SGSM1: variants seen among roughly 807,000 people sequenced by gnomAD.
SGSM1 encodes the protein RUN and TBC1 domain containing 2.
In SGSM1, 73 loss-of-function variants were observed where a neutral mutation model predicts 133.8. The ratio of observed to expected loss-of-function variants is 0.55; its 90% CI spans 0.45 to 0.66. The LOEUF (loss-of-function observed/expected upper bound fraction) is 0.66. Ranked by LOEUF, SGSM1 falls within the 30% of genes least tolerant of loss-of-function variation. The pLI, the probability that SGSM1 is intolerant of heterozygous loss-of-function variation, is 0.00. For missense variants in SGSM1, 1,213 were observed against 1,448.1 expected (o/e 0.84, Z 2.64); for synonymous variants, 563 against 573.0 (o/e 0.98, Z 0.25).
At position 24,898,048 on chromosome 22, in the gene SGSM1, A is replaced by G. The variant is rs373981289; in HGVS notation, c.2099A>G (p.Asn700Ser). Residue 700 changes from asparagine to serine, a missense_variant, in exon 19 of 25, where the codon AAT becomes AGT. Asn to Ser is a conservative substitution (Grantham distance 46). Transcript: ENST00000400358. Reference protein sequence around the residue: ...RLEEKQPKIPNGNLVNGTCSP... With the variant: ...RLEEKQPKIPSGNLVNGTCSP... Reference sequence around the variant, plus strand: ...GAGGAGAAACAGCCCAAGATCCCCAATGGGAACCTAGTGAACGGCACTTGT... The same window carrying G: ...GAGGAGAAACAGCCCAAGATCCCCAGTGGGAACCTAGTGAACGGCACTTGT... 9.0e-5 allele frequency: 146 copies of G among 1,613,812 alleles called. 1 individual carries two copies. In the Middle Eastern group the frequency reaches 1.2e-3, roughly 13 times the overall value.
intron 2 of SGSM1, among the ~76,000 whole-genome samples, chr22:24,812,026 CG>C (rs1213431971): frequency 6.6e-6 from 1 of 151,582 alleles, no homozygotes; most frequent in Non-Finnish European, 1.5e-5. Context: ...AAAAATTAGC[CG>C]GGTGTGGTAG....
intron 2 of SGSM1, among the ~76,000 whole-genome samples, chr22:24,835,822 G>C (rs1929395078): frequency 6.6e-6 from 1 of 152,120 alleles, no homozygotes; most frequent in South Asian, 2.1e-4. Flanking sequence ...GAGGACTTGG[G>C]TTGTCACTCT....
intron 10 of SGSM1, 86 bp from the exon 11 acceptor site, chr22:24,868,290 C>T: frequency 6.5e-7 from 1 of 1,529,912 alleles, no homozygotes; most frequent in Non-Finnish European, 8.8e-7. Context: ...GCTTGGCACC[C>T]CTGGGGGATG....
At chr22:24,837,364 A>C (rs1929490540) in intron 2 of SGSM1, among the ~76,000 whole-genome samples, 1 of 152,218 alleles carries the variant, frequency 6.6e-6, no homozygotes, top group Non-Finnish European at 1.5e-5. Flanking sequence ...AGGGACTATT[A>C]GTATTTTCAC....
Position 24,847,771 on chromosome 22 carries a change from G to A in SGSM1, c.277G>A (p.Asp93Asn). 1 of 1,613,942 alleles carries A rather than the reference G, an allele frequency of 6.2e-7. No homozygotes were observed. The highest frequency in any genetic ancestry group is 8.5e-7 in the Non-Finnish European group (1 of 1,179,874). The part of the protein sequence containing the change: ...PAEDLSRKVQ[D>N]LEQLIESARN... ...TGAGGATCTGAGCCGCAAGGTGCAA[G>A]ACCTGGAGCAGCTGATCGAGAGCGC... Residue 93 changes from aspartate to asparagine, a missense_variant, in exon 4 of 25, where the codon GAC (aspartate) becomes AAC (asparagine). Coordinates refer to ENST00000400358, the MANE Select transcript of SGSM1 (RefSeq NM_001098497.3).
intron 8 of SGSM1, 189 bp from the exon 9 acceptor site, chr22:24,859,527 G>A: frequency 1.3e-6 from 1 of 741,068 alleles, no homozygotes; most frequent in Non-Finnish European, 2.3e-6. Context: ...TGGGAGGCTG[G>A]CTGCAAATGG....
At chr22:24,871,837 G>A (rs1033409680) in intron 12 of SGSM1, among the ~76,000 whole-genome samples, 1 of 152,190 alleles carries the variant, frequency 6.6e-6, no homozygotes, top group Non-Finnish European at 1.5e-5. Flanking sequence ...TGGGGCTTGA[G>A]CCGCACAGGC....
chr22:24,832,237 T>G (rs1929159021), intron 2 of SGSM1, among the ~76,000 whole-genome samples: 1 of 149,976 alleles, frequency 6.7e-6, no homozygotes, highest in South Asian at 2.1e-4. Context: ...GGGCACCTAG[T>G]AACCAACATC....
At chr22:24,898,854 T>C (rs981648252) in intron 19 of SGSM1, among the ~76,000 whole-genome samples, 3 of 151,976 alleles carry the variant, frequency 2.0e-5, no homozygotes, top group East Asian at 1.9e-4. Flanking sequence ...GGTGAAAACC[T>C]GTCTCTACTA....
chr22:24,882,229 G>A (rs1352423740), intron 14 of SGSM1, among the ~76,000 whole-genome samples: 1 of 151,916 alleles, frequency 6.6e-6, no homozygotes, highest in East Asian at 1.9e-4. Context: ...AGTATGCCTG[G>A]CTAGTTTTTT....
At chr22:24,851,463 A>G (rs1601921892) in intron 5 of SGSM1, among the ~76,000 whole-genome samples, 2 of 131,148 alleles carry the variant, frequency 1.5e-5, no homozygotes, top group African/African-American at 8.6e-5. Context: ...AGAGAGAGAG[A>G]GAGAGAGAGA....
intron 21 of SGSM1, among the ~76,000 whole-genome samples, chr22:24,905,802 AAAGAAAAG>A (rs1365137792): frequency 3.3e-5 from 5 of 151,664 alleles, no homozygotes; most frequent in South Asian, 2.1e-4. Flanking sequence ...AAAAAAAAAA[AAAGAAAAG>A]AAGAAAAGAA....
intron 21 of SGSM1, among the ~76,000 whole-genome samples, chr22:24,908,736 A>T (rs1933503982): frequency 1.3e-5 from 2 of 151,492 alleles, no homozygotes; most frequent in African/African-American, 4.9e-5. Context: ...CAGGAGGCAG[A>T]GCTTGCAGTG....
Position 24,868,479 on chromosome 22 carries a change from G to A in SGSM1, c.1098G>A (p.Leu366=), listed in dbSNP as rs757174103. Residue 366 remains leucine, a synonymous_variant, in exon 11 of 25, where the codon CTG becomes CTA. Coordinates refer to ENST00000400358, the MANE Select transcript of SGSM1 (RefSeq NM_001098497.3). The part of the protein sequence containing the change: ...GGHLLQFLSC[L]ENGLLPHGQL... Reference sequence around the variant, plus strand: ...ACCTCCTGCAGTTCCTCTCGTGCCTGGAGAATGGGCTGCTCCCACATGGGC... The same window carrying A: ...ACCTCCTGCAGTTCCTCTCGTGCCTAGAGAATGGGCTGCTCCCACATGGGC... The A allele has an allele frequency of 6.2e-7, 1 of 1,613,872 alleles. No individual in the cohort carries two copies. The highest frequency in any genetic ancestry group is 1.1e-5 in the South Asian group (1 of 91,080).
intron 8 of SGSM1, 95 bp downstream of exon 8, chr22:24,855,775 C>A (rs1231144367): frequency 6.3e-7 from 1 of 1,590,412 alleles, no homozygotes; most frequent in Non-Finnish European, 8.6e-7. Flanking sequence ...CCAATCCATT[C>A]ATCCATTTAT....
At chr22:24,863,867 G>A (rs897140131) in intron 9 of SGSM1, among the ~76,000 whole-genome samples, 1 of 150,196 alleles carries the variant, frequency 6.7e-6, no homozygotes, top group East Asian at 2.0e-4. Context: ...TCAGCCTCCC[G>A]AGTAGCTGGG....
intron 2 of SGSM1, among the ~76,000 whole-genome samples, chr22:24,843,003 A>G (rs887917349): frequency 1.3e-5 from 2 of 152,140 alleles, no homozygotes; most frequent in African/African-American, 2.4e-5. Context: ...GGGAGGAGCC[A>G]AGGTACAGCA....
intron 16 of SGSM1, among the ~76,000 whole-genome samples, chr22:24,892,296 C>G (rs1195418961): frequency 6.6e-6 from 1 of 152,020 alleles, no homozygotes; most frequent in Non-Finnish European, 1.5e-5. Context: ...GAGGGTCGGG[C>G]TCCCCACCCT....
intron 21 of SGSM1, among the ~76,000 whole-genome samples, chr22:24,905,788 CAAA>C (rs539155528): frequency 7.9e-5 from 7 of 88,508 alleles, no homozygotes; most frequent in Admixed American, 1.2e-4. Flanking sequence ...GACTCTGTCT[CAAA>C]AAAAAAAAAA....
Sources: allele counts gnomAD v4.1 joint callset (sites outside exome capture counted in the v4.1 genomes callset), GRCh38; gene constraint gnomAD v4.1.1; transcripts MANE v1.5; gene names NCBI Gene and HGNC (gene_info 2026-07-23, HGNC 2026-07-21).